The following BBS7 variants were observed in gnomAD, a reference collection of about 807,000 sequenced individuals.
BBS7 encodes Bardet-Biedl syndrome 7.
Under a neutral mutation model 90.3 loss-of-function variants are expected in BBS7, and 50 were observed. The observed-to-expected ratio is 0.55, with a 90% CI of 0.44 to 0.70. The LOEUF is 0.70. Ranked by LOEUF, BBS7 falls within the 30% of genes least tolerant of loss-of-function variation. The pLI is 0.00. For missense variants in BBS7, 729 were observed against 838.9 expected (o/e 0.87, Z 1.62); for synonymous variants, 235 against 287.4 (o/e 0.82, Z 1.85).
At chr4:121,842,388 A>G (rs1253153757) in intron 12 of BBS7, among the ~76,000 whole-genome samples, 1 of 152,048 alleles carries the variant, frequency 6.6e-6, no homozygotes, top group African/African-American at 2.4e-5. Context: ...TAATCCCAGC[A>G]CTTTGGGAGG....
At chr4:121,861,347 T>C (rs548571397) in intron 4 of BBS7, 157 bp downstream of exon 4, 3 of 690,884 alleles carry the variant, frequency 4.3e-6, no homozygotes, top group Admixed American at 3.2e-5. Flanking sequence ...CAATTTAATA[T>C]TGATTGTAGG....
At chr4:121,857,291 A>G (rs990082963) in intron 5 of BBS7, among the ~76,000 whole-genome samples, 1 of 150,486 alleles carries the variant, frequency 6.6e-6, no homozygotes, top group African/African-American at 2.4e-5. Flanking sequence ...GCCCAGCTAA[A>G]TTTTTTTTAA....
At chr4:121,855,913 T>C (rs970837110) in intron 5 of BBS7, among the ~76,000 whole-genome samples, 44 of 129,844 alleles carry the variant, frequency 3.4e-4, no homozygotes, top group Admixed American at 9.5e-4. Context: ...TATATATGTA[T>C]ATATGTGTAC....
chr4:121,830,436 G>T (rs1457127126), intron 15 of BBS7, among the ~76,000 whole-genome samples: 1 of 151,856 alleles, frequency 6.6e-6, no homozygotes, highest in Non-Finnish European at 1.5e-5. Flanking sequence ...TTTTTTTCTA[G>T]AAAGATAAAT....
Position 121,853,037 on chromosome 4 carries a change from A to G in BBS7, c.768T>C (p.Asp256=), listed in dbSNP as rs376405771. ...SFDIVGDGVK[D]LLVGRDDGMV... is the part of the protein sequence containing the mutation. Reference sequence around the variant, plus strand: ...TTCCGTCATCTCTCCCAACAAGTAAATCTTTAACCCCATCACCCACAATGT... The same window carrying G: ...TTCCGTCATCTCTCCCAACAAGTAAGTCTTTAACCCCATCACCCACAATGT... Residue 256 remains aspartate, a synonymous_variant, in exon 8 of 19, where the codon GAT becomes GAC. Transcript: ENST00000264499. The G allele has an allele frequency of 3.7e-6, 6 of 1,613,706 alleles. No individual in the cohort carries two copies. The highest frequency in any genetic ancestry group is 5.1e-6 in the Non-Finnish European group (6 of 1,179,802).
chr4:121,836,049 A>G (rs1012883350), intron 13 of BBS7, among the ~76,000 whole-genome samples: 23 of 152,176 alleles, frequency 1.5e-4, no homozygotes, highest in African/African-American at 5.3e-4. Flanking sequence ...AAATAACTTA[A>G]TTGTTGACAT....
chr4:121,829,522 T>C (rs776803232), intron 15 of BBS7, among the ~76,000 whole-genome samples: 18 of 152,162 alleles, frequency 1.2e-4, no homozygotes, highest in Non-Finnish European at 2.4e-4. Flanking sequence ...AGGCATGAGC[T>C]ACTGAGATTA....
At chr4:121,829,327 T>C (rs1329646612) in intron 15 of BBS7, among the ~76,000 whole-genome samples, 1 of 151,762 alleles carries the variant, frequency 6.6e-6, no homozygotes, top group Non-Finnish European at 1.5e-5. Context: ...CTCCACTTTC[T>C]GGGTTCAAGC....
In BBS7 at chr4:121,826,025, T is replaced by C. The variant is rs1004731038; in HGVS notation, c.2015-32A>G. On this transcript the variant is annotated intron_variant, in intron 18 of 18. Coordinates refer to ENST00000264499, the MANE Select transcript of BBS7 (RefSeq NM_176824.3). ...AGAAAAAACATAAATTTCCTGTCAG[T>C]GATTAGTTATATTTAATGACACAGT... is the stretch of plus-strand genomic sequence containing the variant. 2.0e-6 allele frequency: 3 copies of C among 1,535,330 alleles called. No individual in the cohort carries two copies. The African/African-American group carries it at 4.1e-5, about 21-fold the overall frequency.
intron 12 of BBS7, among the ~76,000 whole-genome samples, chr4:121,842,678 T>C (rs572355723): frequency 3.0e-4 from 46 of 152,146 alleles, no homozygotes; most frequent in African/African-American, 1.1e-3. Context: ...ATAAAATATA[T>C]TCTGCAACAG....
chr4:121,847,593 G>T, intron 9 of BBS7, 87 bp from the exon 10 acceptor site: 1 of 917,386 alleles, frequency 1.1e-6, no homozygotes. Flanking sequence ...AAACTCCAAT[G>T]TACATGCCCC....
Position 121,859,909 on chromosome 4 carries a change from G to A in BBS7, c.342-731C>T, listed in dbSNP as rs1443682381. 2.0e-5 allele frequency among the ~76,000 whole-genome samples: 3 copies of A among 152,008 alleles called. No individual in the cohort carries two copies. In the East Asian group the frequency reaches 5.8e-4, roughly 29 times the overall value. ...CTGAACTGAGTTTTCACTTGGGTGA[G>A]CTAAAATGTCTTGACAAAAATTATA... is the stretch of plus-strand genomic sequence containing the variant. On this transcript the variant is annotated intron_variant, in intron 4 of 18. Coordinates refer to ENST00000264499, the MANE Select transcript of BBS7 (RefSeq NM_176824.3).
chr4:121,836,610 T>G (rs1484946031), intron 13 of BBS7, among the ~76,000 whole-genome samples: 1 of 152,168 alleles, frequency 6.6e-6, no homozygotes, highest in Non-Finnish European at 1.5e-5. Flanking sequence ...CATTAATGAG[T>G]ATTCACCTTA....
chr4:121,841,138 C>A (rs1725717115), intron 12 of BBS7, among the ~76,000 whole-genome samples: 2 of 152,092 alleles, frequency 1.3e-5, no homozygotes, highest in African/African-American at 4.8e-5. Flanking sequence ...CGGTGCCAAG[C>A]CGTAAATGTG....
chr4:121,839,588 G>C (rs757378068), intron 13 of BBS7, 43 bp downstream of exon 13: 2 of 1,487,514 alleles, frequency 1.3e-6, no homozygotes, highest in Admixed American at 3.4e-5. Context: ...CAGGAAAAAG[G>C]AAATTCAAAC....
intron 2 of BBS7, among the ~76,000 whole-genome samples, chr4:121,867,520 T>G (rs1455287807): frequency 1.3e-5 from 2 of 152,202 alleles, no homozygotes. Flanking sequence ...TTGCAGCTAT[T>G]AAAATATTTG....
chr4:121,851,043 G>A (rs1578553392), intron 8 of BBS7, among the ~76,000 whole-genome samples: 1 of 152,136 alleles, frequency 6.6e-6, no homozygotes, highest in Non-Finnish European at 1.5e-5. Context: ...AGATTGATTA[G>A]ATCTTCCTTT....
At chr4:121,848,788 T>C (rs543066314) in intron 9 of BBS7, 56 bp downstream of exon 9, 88 of 1,428,778 alleles carry the variant, frequency 6.2e-5, no homozygotes, top group Non-Finnish European at 8.2e-5. Context: ...GTTTATTAAA[T>C]TTAATTTTTT....
Position 121,828,225 on chromosome 4 carries a change from T to C in BBS7, c.1935A>G (p.Glu645=), listed in dbSNP as rs781292175. Residue 645 remains glutamate (E), a synonymous_variant, in exon 18 of 19, where the codon GAA becomes GAG. Coordinates refer to ENST00000264499, the MANE Select transcript of BBS7 (RefSeq NM_176824.3). ...HEGNTNFLIP[E]YHCILEEADH... ...CTGCCTCTTCTAGAATACAGTGATA[T>C]TCTGGTATCAGAAAGTTCGTATTTC... 2.5e-6 allele frequency: 4 copies of C among 1,613,864 alleles called. No individual in the cohort carries two copies. The highest frequency in any genetic ancestry group is 1.1e-5 in the South Asian group (1 of 91,070).
Sources: allele counts gnomAD v4.1 joint callset (sites outside exome capture counted in the v4.1 genomes callset), GRCh38; gene constraint gnomAD v4.1.1; transcripts MANE v1.5; gene names NCBI Gene and HGNC (gene_info 2026-07-23, HGNC 2026-07-21).